Variants in C8orf34 observed in about 807,000 individuals in gnomAD.
C8orf34 encodes chromosome 8 open reading frame 34, also known as uncharacterized protein C8orf34.
A neutral mutation model predicts 68.3 loss-of-function variants in C8orf34; 65 were observed. That is an observed-to-expected ratio of 0.95 (90% confidence interval 0.78 to 1.17). C8orf34 has a LOEUF of 1.17. Among genes scored for constraint, C8orf34 ranks in the 50% most tolerant of loss-of-function variants. The pLI, the probability that C8orf34 is intolerant of heterozygous loss-of-function variation, is 0.00. For synonymous variants in C8orf34, 244 were observed against 241.2 expected (o/e 1.01, Z -0.11); for missense variants, 664 against 655.4 (o/e 1.01, Z -0.14).
intron 1 of C8orf34, among the ~76,000 whole-genome samples, chr8:68,360,752 C>CTTTATTTTTTTTTT: frequency 6.9e-6 from 1 of 144,192 alleles, no homozygotes; most frequent in South Asian, 2.2e-4. Context: ...CCTTTTCTTC[C>CTTTATTTTTTTTTT]TTTCTTTTTT....
intron 7 of C8orf34, among the ~76,000 whole-genome samples, chr8:68,638,951 C>T (rs1283246622): frequency 1.3e-5 from 2 of 151,998 alleles, no homozygotes; most frequent in African/African-American, 4.8e-5. Flanking sequence ...AGGGAAATCA[C>T]GGGTTCACTT....
At chr8:68,711,580 A>G (rs1821329705) in intron 9 of C8orf34, among the ~76,000 whole-genome samples, 2 of 152,078 alleles carry the variant, frequency 1.3e-5, no homozygotes, top group South Asian at 4.1e-4. Context: ...CAGAGCTCAA[A>G]GACAAGGCTT....
chr8:68,476,694 T>C (rs1812633967), intron 4 of C8orf34, among the ~76,000 whole-genome samples: 1 of 152,184 alleles, frequency 6.6e-6, no homozygotes, highest in East Asian at 1.9e-4. Context: ...CATATTTATG[T>C]GGGCAGTTGA....
intron 1 of C8orf34, among the ~76,000 whole-genome samples, chr8:68,423,642 G>T (rs1253604074): frequency 6.6e-6 from 1 of 151,938 alleles, no homozygotes; most frequent in Non-Finnish European, 1.5e-5. Flanking sequence ...TTCCAAAGTT[G>T]CTTCCACATT....
intron 8 of C8orf34, among the ~76,000 whole-genome samples, chr8:68,696,172 A>G (rs1469664252): frequency 6.7e-6 from 1 of 149,616 alleles, no homozygotes; most frequent in Non-Finnish European, 1.5e-5. Flanking sequence ...TCAAGGGGAG[A>G]AAAAAAAAGA....
In C8orf34 at chr8:68,626,895, C is replaced by T. The variant is rs559127668; in HGVS notation, c.1106-13481C>T. 2.6e-5 allele frequency among the ~76,000 whole-genome samples: 4 copies of T among 152,112 alleles called. No individual in the cohort carries two copies. The South Asian group carries it at 8.3e-4, about 32-fold the overall frequency. On this transcript the variant is annotated intron_variant, in intron 7 of 13. Coordinates refer to ENST00000518698, the MANE Select transcript of C8orf34 (RefSeq NM_052958.4). ...CAGCAAAAATTCCATAAATAAAATG[C>T]TGGGGTGAGAAAAGCTTTTCAAAAA...
At chr8:68,682,179 G>T (rs1820389514) in intron 8 of C8orf34, among the ~76,000 whole-genome samples, 1 of 152,008 alleles carries the variant, frequency 6.6e-6, no homozygotes, top group Admixed American at 6.6e-5. Flanking sequence ...ACAATGATTT[G>T]TTGTACATTT....
At chr8:68,787,679 G>A (rs1823883288) in intron 12 of C8orf34, 143 bp downstream of exon 12, 1 of 528,220 alleles carries the variant, frequency 1.9e-6, no homozygotes, top group East Asian at 3.1e-5. Context: ...GTAAAGACAA[G>A]CTATCCTTCA....
intron 5 of C8orf34, among the ~76,000 whole-genome samples, chr8:68,511,325 C>T (rs1166017842): frequency 6.6e-6 from 1 of 152,166 alleles, no homozygotes. Context: ...GTAGCCCCTA[C>T]TGCTGTGTCA....
At chr8:68,709,333 A>G (rs936484145) in intron 9 of C8orf34, among the ~76,000 whole-genome samples, 40 of 152,168 alleles carry the variant, frequency 2.6e-4, no homozygotes, top group African/African-American at 8.7e-4. Context: ...AAACAGATCA[A>G]CTATAAGTTG....
At chr8:68,347,334 C>T (rs1267092997) in intron 1 of C8orf34, among the ~76,000 whole-genome samples, 3 of 151,916 alleles carry the variant, frequency 2.0e-5, no homozygotes, top group African/African-American at 4.8e-5. Flanking sequence ...ATGGTGTATA[C>T]GTACTACATT....
chr8:68,387,338 C>A (rs534431960), intron 1 of C8orf34, among the ~76,000 whole-genome samples: 2 of 152,078 alleles, frequency 1.3e-5, no homozygotes, highest in East Asian at 3.9e-4. Flanking sequence ...TATTAGTTAG[C>A]ATTTATTACT....
intron 1 of C8orf34, among the ~76,000 whole-genome samples, chr8:68,413,953 T>C (rs1210785462): frequency 6.6e-6 from 1 of 152,220 alleles, no homozygotes; most frequent in Non-Finnish European, 1.5e-5. Context: ...CCTACCTCTT[T>C]AGCTCACATG....
At chr8:68,400,150 T>C (rs982692975) in intron 1 of C8orf34, among the ~76,000 whole-genome samples, 2 of 152,212 alleles carry the variant, frequency 1.3e-5, no homozygotes, top group African/African-American at 4.8e-5. Flanking sequence ...TCCTTTGCTA[T>C]GCAGAAGCTT....
At chr8:68,568,559 A>G (rs931786802) in intron 7 of C8orf34, among the ~76,000 whole-genome samples, 11 of 151,210 alleles carry the variant, frequency 7.3e-5, no homozygotes, top group African/African-American at 2.4e-4. Flanking sequence ...AGCTTCAATT[A>G]GAAAAAAAAA....
rs539342399 is a variant in C8orf34 at position 68,382,288 on chromosome 8, C to T, written c.327+50949C>T. ...ACATTTCACATATATTGCCAAAATG[C>T]TTTCCAGAGAGATTTTTACAGTTTA... On this transcript the variant is annotated intron_variant, in intron 1 of 13. Transcript: ENST00000518698. Among the ~76,000 whole-genome samples, 9 of 152,266 alleles carry T rather than the reference C, an allele frequency of 5.9e-5. No individual in the cohort carries two copies. In the South Asian group the frequency reaches 1.7e-3, roughly 28 times the overall value.
At chr8:68,478,860 G>C (rs1216613747) in intron 4 of C8orf34, among the ~76,000 whole-genome samples, 2 of 152,140 alleles carry the variant, frequency 1.3e-5, no homozygotes, top group African/African-American at 4.8e-5. Flanking sequence ...AGGATTACAG[G>C]TTTCTCCCTC....
intron 7 of C8orf34, among the ~76,000 whole-genome samples, chr8:68,594,319 T>C (rs1200519955): frequency 6.6e-6 from 1 of 152,124 alleles, no homozygotes; most frequent in Admixed American, 6.6e-5. Flanking sequence ...CAAGGTTAGA[T>C]CCATATATGG....
At chr8:68,393,845 T>A (rs1011671838) in intron 1 of C8orf34, among the ~76,000 whole-genome samples, 1 of 151,918 alleles carries the variant, frequency 6.6e-6, no homozygotes, top group African/African-American at 2.4e-5. Flanking sequence ...GAAAAATGGA[T>A]TGGAGAGAAA....
Sources: allele counts gnomAD v4.1 joint callset (sites outside exome capture counted in the v4.1 genomes callset), GRCh38; gene constraint gnomAD v4.1.1; transcripts MANE v1.5; gene names NCBI Gene and HGNC (gene_info 2026-07-23, HGNC 2026-07-21).